LOC128125817: variants seen among roughly 807,000 people sequenced by gnomAD.
the LOC128125817 span, among the ~76,000 whole-genome samples, chr1:41,590,523 A>G: frequency 0.5 from 76,329 of 152,124 alleles, 19,949 homozygotes; most frequent in Non-Finnish European, 0.58. Context: ...CACATGGACA[A>G]GAACATCACC....
the LOC128125817 span, among the ~76,000 whole-genome samples, chr1:41,626,520 C>T: frequency 6.6e-6 from 1 of 152,148 alleles, no homozygotes; most frequent in African/African-American, 2.4e-5. Context: ...GAGGGAAATG[C>T]CAAGTCTGCA....
the LOC128125817 span, among the ~76,000 whole-genome samples, chr1:41,599,270 A>G: frequency 6.6e-6 from 1 of 152,246 alleles, no homozygotes; most frequent in Non-Finnish European, 1.5e-5. Flanking sequence ...AAATGAATAA[A>G]TGATAGGCCT....
chr1:41,610,289 C>T, the LOC128125817 span, among the ~76,000 whole-genome samples: 1 of 152,226 alleles, frequency 6.6e-6, no homozygotes, highest in Non-Finnish European at 1.5e-5. Context: ...CAGCCAGTCA[C>T]CTCTGTACCT....
At chr1:41,608,579 T>C in the LOC128125817 span, among the ~76,000 whole-genome samples, 2 of 152,236 alleles carry the variant, frequency 1.3e-5, no homozygotes, top group African/African-American at 4.8e-5. Context: ...TTGTTGGCTC[T>C]CAGCTTGAAC....
chr1:41,616,294 T>C, the LOC128125817 span, among the ~76,000 whole-genome samples: 1 of 152,234 alleles, frequency 6.6e-6, no homozygotes, highest in African/African-American at 2.4e-5. Context: ...CAATGGGCAG[T>C]GCTGTAGAAT....
chr1:41,593,674 A>T, the LOC128125817 span, among the ~76,000 whole-genome samples: 1 of 152,266 alleles, frequency 6.6e-6, no homozygotes, highest in Non-Finnish European at 1.5e-5. Flanking sequence ...CTGGAATATA[A>T]ACTGTCTCTT....
chr1:41,604,928 A>G, the LOC128125817 span, among the ~76,000 whole-genome samples: 4 of 151,884 alleles, frequency 2.6e-5, no homozygotes, highest in East Asian at 7.7e-4. Context: ...ATGTAGGGAG[A>G]CCTCATCTCT....
chr1:41,610,078 T>C, the LOC128125817 span, among the ~76,000 whole-genome samples: 5 of 152,278 alleles, frequency 3.3e-5, no homozygotes. Flanking sequence ...CCTTCCTGGA[T>C]CTCCAGCCTG....
the LOC128125817 span, among the ~76,000 whole-genome samples, chr1:41,590,980 G>T: frequency 6.6e-6 from 1 of 152,170 alleles, no homozygotes; most frequent in South Asian, 2.1e-4. Context: ...TGTAAAAAGG[G>T]ACAGTAAAAC....
the LOC128125817 span, among the ~76,000 whole-genome samples, chr1:41,611,001 G>A: frequency 6.6e-6 from 1 of 152,136 alleles, no homozygotes; most frequent in Non-Finnish European, 1.5e-5. Flanking sequence ...AGTTCATACA[G>A]GCTTTCTTCC....
At chr1:41,608,951 G>A in the LOC128125817 span, among the ~76,000 whole-genome samples, 1 of 151,688 alleles carries the variant, frequency 6.6e-6, no homozygotes, top group Non-Finnish European at 1.5e-5. Flanking sequence ...AGGTGTGGTG[G>A]TGCATGCCTG....
At chr1:41,611,721 C>T in the LOC128125817 span, among the ~76,000 whole-genome samples, 3 of 152,234 alleles carry the variant, frequency 2.0e-5, no homozygotes, top group Non-Finnish European at 4.4e-5. Flanking sequence ...AGAGACCCAC[C>T]TGGCTTTCTC....
chr1:41,605,406 CAT>C, the LOC128125817 span, among the ~76,000 whole-genome samples: 298 of 143,432 alleles, frequency 2.1e-3, 2 homozygotes, highest in African/African-American at 7.6e-3. Flanking sequence ...CACACACACA[CAT>C]ACATATGTTA....
the LOC128125817 span, among the ~76,000 whole-genome samples, chr1:41,627,879 C>T: frequency 1.2e-3 from 188 of 152,094 alleles, no homozygotes; most frequent in South Asian, 0.01. Context: ...TCCCTCCGTC[C>T]ATCCCTCCCT....
the LOC128125817 span, among the ~76,000 whole-genome samples, chr1:41,620,338 T>C: frequency 6.6e-6 from 1 of 152,204 alleles, no homozygotes; most frequent in Non-Finnish European, 1.5e-5. Flanking sequence ...ACCCATGACA[T>C]AGTTTCTTTT....
At chr1:41,605,488 C>G in the LOC128125817 span, among the ~76,000 whole-genome samples, 2 of 151,784 alleles carry the variant, frequency 1.3e-5, no homozygotes, top group African/African-American at 2.4e-5. Context: ...TGTTATACCT[C>G]AATTTTTGAA....
chr1:41,600,240 C>A, the LOC128125817 span, among the ~76,000 whole-genome samples: 1 of 152,152 alleles, frequency 6.6e-6, no homozygotes. Flanking sequence ...GAATTGAAAT[C>A]AGAGTCTCAA....
the LOC128125817 span, among the ~76,000 whole-genome samples, chr1:41,596,708 T>G: frequency 6.6e-6 from 1 of 152,236 alleles, no homozygotes; most frequent in African/African-American, 2.4e-5. Flanking sequence ...GGGGCAGGGC[T>G]GAGGCTAATT....
At chr1:41,623,943 C>G in the LOC128125817 span, among the ~76,000 whole-genome samples, 1 of 152,170 alleles carries the variant, frequency 6.6e-6, no homozygotes, top group Non-Finnish European at 1.5e-5. Context: ...TCTCTGCACA[C>G]ATGTTTACCT....
Sources: allele counts gnomAD v4.1 joint callset (sites outside exome capture counted in the v4.1 genomes callset), GRCh38; gene constraint gnomAD v4.1.1; transcripts MANE v1.5.